Variants in SARS1 observed in about 807,000 individuals in gnomAD.
The protein encoded by SARS1 is seryl-tRNA synthetase 1, also known as serine--tRNA ligase, cytoplasmic.
In SARS1, 25 loss-of-function variants were observed where a neutral mutation model predicts 63.7. The observed-to-expected ratio is 0.39, with a 90% CI of 0.29 to 0.55. The LOEUF is 0.55. SARS1 is among the 20% of genes least tolerant of loss of function. The pLI, the probability that SARS1 is intolerant of heterozygous loss-of-function variation, is 0.62. For synonymous variants in SARS1, 231 were observed against 243.5 expected (o/e 0.95, Z 0.48); for missense variants, 417 against 649.7 (o/e 0.64, Z 3.89).
At position 109,216,552 on chromosome 1, in the gene SARS1, A is replaced by G. The variant is rs535938220; in HGVS notation, c.136+2424A>G. On this transcript the variant is annotated intron_variant, in intron 1 of 10. Coordinates refer to ENST00000234677, the MANE Select transcript of SARS1 (RefSeq NM_006513.4). ...AACTGGAAATCTGCTGCAAACCCCA[A>G]GAATTTTATCCTCCCTCAAAAAGTG... is the stretch of plus-strand genomic sequence containing the variant. 3.2e-4 allele frequency: 314 copies of G among 985,254 alleles called. 2 individuals are homozygous for G. In the African/African-American group the frequency reaches 5.1e-3, roughly 16 times the overall value. 61.0% of individuals were successfully genotyped at this position (985,254 alleles called of 1,614,324 possible).
At chr1:109,218,216 A>T (rs1654838423) in intron 1 of SARS1, among the ~76,000 whole-genome samples, 1 of 146,996 alleles carries the variant, frequency 6.8e-6, no homozygotes. Context: ...AAAAAAAAAA[A>T]ATTAGCCAGG....
In SARS1 at chr1:109,224,028, A is replaced by T. The variant is rs1655013751; in HGVS notation, c.187A>T (p.Thr63Ser). ...CAAGCTGAAGAACCTATGCAGCAAGACAATCGGAGAGAAAATGAAGGTAAG... is the reference window on the plus strand; with the variant it reads ...CAAGCTGAAGAACCTATGCAGCAAGTCAATCGGAGAGAAAATGAAGGTAAG... ...LNKLKNLCSK[T>S]IGEKMKKKEP... Residue 63 changes from threonine to serine, a missense_variant, in exon 2 of 11, where the codon ACA becomes TCA. Physicochemically the swap from Thr to Ser is moderately conservative, Grantham distance 58 (BLOSUM62 1). This residue lies in a region of SARS1 where 359 missense variants were observed against 529.6 expected (regional missense o/e 0.68). Coordinates refer to ENST00000234677, the MANE Select transcript of SARS1 (RefSeq NM_006513.4). 1.2e-6 allele frequency: 2 copies of T among 1,613,422 alleles called. No individual in the cohort carries two copies. Among genetic ancestry groups the T allele is most frequent in the Non-Finnish European group, 1.7e-6 (2 of 1,179,462 alleles).
chr1:109,219,289 A>ATATG (rs71069665), intron 1 of SARS1, among the ~76,000 whole-genome samples: 1 of 122,518 alleles, frequency 8.2e-6, no homozygotes, highest in Non-Finnish European at 1.7e-5. Flanking sequence ...ATATATATAT[A>ATATG]GTGTACATAT....
chr1:109,233,109 T>C (rs1202527864), intron 6 of SARS1, among the ~76,000 whole-genome samples: 2 of 152,224 alleles, frequency 1.3e-5, no homozygotes, highest in Admixed American at 6.5e-5. Context: ...CATATGTGAC[T>C]TGAGCACTGA....
At chr1:109,215,439 A>G in intron 1 of SARS1, 1 of 985,412 alleles carries the variant, frequency 1.0e-6, no homozygotes, top group South Asian at 4.7e-5. Flanking sequence ...TCTGAAAAGT[A>G]GATAGGTGGT....
intron 1 of SARS1, chr1:109,215,604 C>G (rs1039875332): frequency 1.0e-6 from 1 of 982,470 alleles, no homozygotes; most frequent in East Asian, 1.1e-4. Context: ...TATTTTCTGT[C>G]TTCAGGGCAC....
chr1:109,231,782 A>T lies in SARS1; in HGVS notation c.743A>T (p.Tyr248Phe), dbSNP rs1328792136. Residue 248 changes from tyrosine (Y) to phenylalanine (F), a missense_variant, in exon 6 of 11, where the codon TAT becomes TTT. Tyr to Phe is a conservative substitution (Grantham distance 22). Transcript: ENST00000234677. Reference protein sequence around the residue: ...AQLSQFDEELYKVIGKGSEKS... With the variant: ...AQLSQFDEELFKVIGKGSEKS... ...CTCAGCCAGTTTGATGAAGAACTTTATAAGGTGAGTAGCCTGGGTCAGGTG... is the reference window on the plus strand; with the variant it reads ...CTCAGCCAGTTTGATGAAGAACTTTTTAAGGTGAGTAGCCTGGGTCAGGTG... The T allele has an allele frequency of 1.3e-6, 2 of 1,540,680 alleles. No individual in the cohort carries two copies. The highest frequency in any genetic ancestry group is 2.5e-5 in the South Asian group (2 of 79,690).
chr1:109,232,405 A>G lies in SARS1; in HGVS notation c.747+619A>G, dbSNP rs552319952. ...AGATTTCTAGAGCGTCTCTGCTAAC[A>G]GCTGTCCAATGCAGCAGTGTCTACT... On this transcript the variant is annotated intron_variant, in intron 6 of 10. Coordinates refer to ENST00000234677, the MANE Select transcript of SARS1 (RefSeq NM_006513.4). 8.5e-5 allele frequency among the ~76,000 whole-genome samples: 13 copies of G among 152,354 alleles called. No homozygotes were observed. In the East Asian group the frequency reaches 2.5e-3, roughly 29 times the overall value.
intron 1 of SARS1, among the ~76,000 whole-genome samples, chr1:109,218,472 C>A (rs1324629412): frequency 6.7e-6 from 1 of 149,048 alleles, no homozygotes; most frequent in Non-Finnish European, 1.5e-5. Flanking sequence ...TAAAGCACCA[C>A]TCTGTTCAGG....
At chr1:109,231,226 G>A (rs1042103522) in intron 5 of SARS1, 2 of 293,968 alleles carry the variant, frequency 6.8e-6, no homozygotes, top group Admixed American at 5.1e-5. Context: ...GGATTCCGTA[G>A]AACAAAAGCC....
In SARS1 at chr1:109,237,691, T is replaced by C. The variant is rs1440165031; in HGVS notation, c.1388-40T>C. 4 of 1,609,084 alleles carry C rather than the reference T, an allele frequency of 2.5e-6. No individual in the cohort carries two copies. The highest frequency in any genetic ancestry group is 3.4e-6 in the Non-Finnish European group (4 of 1,177,192). On this transcript the variant is annotated intron_variant, in intron 10 of 10. Coordinates refer to ENST00000234677, the MANE Select transcript of SARS1 (RefSeq NM_006513.4). This position sits in a 1 kb window ranked among gnomAD's most constrained non-coding sequence, Gnocchi z 4.1. ...CAGAGGTCTTAGGGCTTTGACTCAC[T>C]GAGAAACAACAGGTCATTTGGTTGG...
intron 1 of SARS1, among the ~76,000 whole-genome samples, chr1:109,221,029 G>GA (rs1307920838): frequency 1.3e-5 from 2 of 150,518 alleles, no homozygotes; most frequent in Non-Finnish European, 3.0e-5. Flanking sequence ...GATACTTACA[G>GA]AAAAACCCAT....
chr1:109,220,481 G>A (rs998055923), intron 1 of SARS1, among the ~76,000 whole-genome samples: 3 of 152,170 alleles, frequency 2.0e-5, no homozygotes, highest in African/African-American at 4.8e-5. Flanking sequence ...GATACTGAGC[G>A]CTTTTTCATA....
intron 4 of SARS1, 122 bp downstream of exon 4, chr1:109,229,694 C>T: frequency 1.0e-6 from 1 of 960,580 alleles, no homozygotes; most frequent in South Asian, 1.7e-5. Context: ...TTTGTATATT[C>T]CCTCTGCCCA....
chr1:109,214,569 T>C lies in SARS1; in HGVS notation c.136+441T>C. On this transcript the variant is annotated intron_variant, in intron 1 of 10. Transcript: ENST00000234677. The surrounding 1 kb of genome is among the most constrained non-coding windows in gnomAD (Gnocchi z 4.6). ...TAGGATCAAAGGCTTCTCCTGAGAC[T>C]GCGTCACTTCTGCAACACAGTAGAT... 1.0e-6 allele frequency: 1 copy of C among 989,176 alleles called. No individual in the cohort carries two copies. Among genetic ancestry groups the C allele is most frequent in the Non-Finnish European group, 1.2e-6 (1 of 832,078 alleles). The allele number at this position is 989,176 out of a possible 1,614,324, so 61.3% of individuals were successfully genotyped here. A position where few individuals can be genotyped will look rare whatever the true frequency, so the allele number is the denominator to read the frequency against.
intron 2 of SARS1, among the ~76,000 whole-genome samples, chr1:109,227,611 T>C (rs547569265): frequency 6.6e-6 from 1 of 152,190 alleles, no homozygotes; most frequent in South Asian, 2.1e-4. Context: ...GATAAGAATC[T>C]ACACTCGGGG....
rs950838639 is a variant in SARS1, at chr1:109,229,511, T to G, written c.386T>G (p.Phe129Cys). The G allele has an allele frequency of 6.2e-7, 1 of 1,614,196 alleles. No homozygotes were observed. Among genetic ancestry groups the G allele is most frequent in the African/African-American group, 1.3e-5 (1 of 75,054 alleles). ...CGGATAAAGTTGGAAGCAGAGCGGT[T>G]TGAGAACCTCCGAGAGATTGGGAAC... ...AERIKLEAER[F>C]ENLREIGNLL... The change falls in exon 4 of 11, where the codon TTT (phenylalanine) becomes TGT (cysteine). Residue 129 changes from phenylalanine (F) to cysteine (C), a missense_variant. By Grantham distance (205) the Phe-to-Cys change is radical. Around this residue, in one of 3 missense-constraint regions of SARS1, gnomAD observed 359 missense variants for 529.6 expected, o/e 0.68. Transcript: ENST00000234677.
Position 109,236,030 on chromosome 1 carries a change from T to C in SARS1, c.1023T>C (p.Phe341=), listed in dbSNP as rs1428077123. 4.3e-6 allele frequency: 7 copies of C among 1,613,802 alleles called. No homozygotes were observed. In the South Asian group the frequency reaches 7.7e-5, roughly 18 times the overall value. ...SPHDNKSWEM[F]EEMITTAEEF... ...ATGACAACAAGTCATGGGAGATGTT[T>C]GAAGAGATGATTACCACCGCAGAGG... The change falls in exon 8 of 11, where the codon TTT becomes TTC. Residue 341 remains phenylalanine (F), a synonymous_variant. Coordinates refer to ENST00000234677, the MANE Select transcript of SARS1 (RefSeq NM_006513.4).
chr1:109,214,021 T>C lies in SARS1; in HGVS notation c.29T>C (p.Val10Ala). 6.2e-7 allele frequency: 1 copy of C among 1,613,388 alleles called. No homozygotes were observed. Among genetic ancestry groups the C allele is most frequent in the Non-Finnish European group, 8.5e-7 (1 of 1,179,722 alleles). MVLDLDLFR[V>A]DKGGDPALIR... ...GTGCTGGATCTGGATTTGTTTCGGG[T>C]GGATAAAGGAGGGGACCCAGCCCTC... Residue 10 changes from valine to alanine, a missense_variant, in exon 1 of 11, where the codon GTG (valine) becomes GCG (alanine). Coordinates refer to ENST00000234677, the MANE Select transcript of SARS1 (RefSeq NM_006513.4). The surrounding 1 kb of genome is among the most constrained non-coding windows in gnomAD (Gnocchi z 4.6).
Sources: allele counts gnomAD v4.1 joint callset (sites outside exome capture counted in the v4.1 genomes callset), GRCh38; gene constraint gnomAD v4.1.1; regional missense constraint gnomAD v4.1.1; non-coding constraint Gnocchi (gnomAD v3.1); transcripts MANE v1.5; gene names NCBI Gene and HGNC (gene_info 2026-07-23, HGNC 2026-07-21).